MIA2: variants seen among roughly 807,000 people sequenced by gnomAD.
MIA2 encodes the protein melanoma inhibitory activity protein 2.
In MIA2, 127 loss-of-function variants were observed where a neutral mutation model predicts 167.8. The observed-to-expected ratio is 0.76, with a 90% CI of 0.66 to 0.88. The LOEUF (loss-of-function observed/expected upper bound fraction) is 0.88. MIA2 is among the 40% of genes least tolerant of loss of function. The pLI, the probability that MIA2 is intolerant of heterozygous loss-of-function variation, is 0.00. For missense variants in MIA2, 1,690 were observed against 1,624.7 expected (o/e 1.04, Z -0.69); for synonymous variants, 552 against 541.9 (o/e 1.02, Z -0.26).
At chr14:39,298,542 T>TTTTTTTG (rs2061855975) in intron 13 of MIA2, among the ~76,000 whole-genome samples, 6 of 97,026 alleles carry the variant, frequency 6.2e-5, no homozygotes, top group African/African-American at 1.1e-4. Flanking sequence ...TTTTTTTTTT[T>TTTTTTTG]TTTTTTTTTT....
At chr14:39,352,185 A>G (rs1416336941), downstream of MIA2, among the ~76,000 whole-genome samples, 2 of 147,288 alleles carry the variant, frequency 1.4e-5, no homozygotes, top group East Asian at 4.1e-4. Context: ...AATTCTCTTC[A>G]ATATTGTTTT....
chr14:39,297,695 GTGTT>G (rs1363011769), intron 13 of MIA2, among the ~76,000 whole-genome samples: 5 of 151,698 alleles, frequency 3.3e-5, no homozygotes, highest in Non-Finnish European at 5.9e-5. Context: ...GTGTGTGTGT[GTGTT>G]TGTGTGTGTG....
chr14:39,253,846 T>A (rs1483269247), intron 6 of MIA2, among the ~76,000 whole-genome samples: 1 of 152,200 alleles, frequency 6.6e-6, no homozygotes, highest in East Asian at 1.9e-4. Flanking sequence ...GCAAAAGGAC[T>A]AGCTGTAGTA....
At chr14:39,292,046 G>C (rs1456605649) in intron 10 of MIA2, among the ~76,000 whole-genome samples, 1 of 152,182 alleles carries the variant, frequency 6.6e-6, no homozygotes, top group Admixed American at 6.5e-5. Context: ...TTTTCTAGTA[G>C]AGTCCAAAGG....
chr14:39,287,995 T>C (rs1243844566), intron 9 of MIA2, among the ~76,000 whole-genome samples: 1 of 152,114 alleles, frequency 6.6e-6, no homozygotes, highest in African/African-American at 2.4e-5. Context: ...TACAGGTGTG[T>C]GCCACCAAGC....
At chr14:39,317,363 T>C (rs2065667496) in intron 21 of MIA2, among the ~76,000 whole-genome samples, 1 of 152,176 alleles carries the variant, frequency 6.6e-6, no homozygotes, top group Non-Finnish European at 1.5e-5. Context: ...GAGGCTCATA[T>C]TAGTTTCTGA....
chr14:39,369,880 C>T (rs1249214735), intron 23 of MIA2, among the ~76,000 whole-genome samples: 1 of 152,140 alleles, frequency 6.6e-6, no homozygotes, highest in East Asian at 1.9e-4. Flanking sequence ...TAAAAAACAA[C>T]ACCCCGTTTA....
rs535638942 is a variant in MIA2 at position 39,305,667 on chromosome 14, G to A, written c.2878+1286G>A. Among the ~76,000 whole-genome samples, 7 of 152,278 alleles carry A rather than the reference G, an allele frequency of 4.6e-5. No homozygotes were observed. The South Asian group carries it at 1.2e-3, about 27-fold the overall frequency. ...GTACAAAAATATGGCCAGGCGCGGCGGCTCACGCCTATAATCCCAGCACTT... is the reference window on the plus strand; with the variant it reads ...GTACAAAAATATGGCCAGGCGCGGCAGCTCACGCCTATAATCCCAGCACTT... On this transcript the variant is annotated intron_variant, in intron 17 of 28. Transcript: ENST00000640607.
intron 6 of MIA2, chr14:39,266,408 G>A (rs1400719235): frequency 2.0e-6 from 2 of 985,384 alleles, no homozygotes; most frequent in African/African-American, 1.7e-5. Context: ...CCTCTTCTCG[G>A]AGGAAAACAG....
intron 23 of MIA2, among the ~76,000 whole-genome samples, chr14:39,362,731 G>C (rs888590074): frequency 1.3e-5 from 2 of 151,902 alleles, no homozygotes; most frequent in Non-Finnish European, 2.9e-5. Flanking sequence ...TTTGGGTTTG[G>C]TTTGTTCTTG....
intron 23 of MIA2, among the ~76,000 whole-genome samples, chr14:39,375,682 G>C (rs1309542798): frequency 6.6e-6 from 1 of 152,156 alleles, no homozygotes; most frequent in African/African-American, 2.4e-5. Flanking sequence ...GTGTGACAGA[G>C]CAAGAGTCTG....
At chr14:39,321,318 AATTTTT>A (rs1304304127) in intron 24 of MIA2, among the ~76,000 whole-genome samples, 2 of 151,720 alleles carry the variant, frequency 1.3e-5, no homozygotes, top group African/African-American at 4.8e-5. Context: ...TTTTAATTTT[AATTTTT>A]ATTTTTTGAG....
At chr14:39,320,640 C>T (rs561315638) in intron 23 of MIA2, among the ~76,000 whole-genome samples, 1 of 152,248 alleles carries the variant, frequency 6.6e-6, no homozygotes, top group East Asian at 1.9e-4. Flanking sequence ...GATATATCTC[C>T]AATATCCTTT....
At chr14:39,288,584 C>G (rs2060280915) in intron 9 of MIA2, among the ~76,000 whole-genome samples, 1 of 149,760 alleles carries the variant, frequency 6.7e-6, no homozygotes, top group African/African-American at 2.5e-5. Flanking sequence ...AAGCGATTCT[C>G]CTGCCTCAGC....
chr14:39,277,082 A>T lies in MIA2; in HGVS notation c.2019+17A>T, dbSNP rs1334309921. The T allele has an allele frequency of 6.3e-7, 1 of 1,599,474 alleles. No homozygotes were observed. Among genetic ancestry groups the T allele is most frequent in the Admixed American group, 1.8e-5 (1 of 56,366 alleles). The stretch of plus-strand genomic sequence containing the variant: ...TTTAGATCGGTAAGTAACCAGTGCT[A>T]TACTAAGAGAATGTTCATTTTGTCA... On this transcript the variant is annotated intron_variant, in intron 7 of 28. Transcript: ENST00000640607.
At chr14:39,281,366 G>A (rs948945414) in intron 9 of MIA2, among the ~76,000 whole-genome samples, 1 of 151,756 alleles carries the variant, frequency 6.6e-6, no homozygotes, top group South Asian at 2.1e-4. Context: ...TCTTTTCCAG[G>A]GTTTCCATCT....
chr14:39,294,986 A>T lies in MIA2; in HGVS notation c.2453A>T (p.Asp818Val). ...NEERLKIAIK[D>V]ALNENSQLQE... ...GAACGACTGAAGATAGCAATAAAAG[A>T]TGCTTTGAATGAAAATTCTCAACTT... Residue 818 changes from aspartate (D) to valine (V), a missense_variant, in exon 13 of 29, where the codon GAT (aspartate) becomes GTT (valine). By Grantham distance (152) the Asp-to-Val change is radical. Coordinates refer to ENST00000640607, the MANE Select transcript of MIA2 (RefSeq NM_001329214.4). 1 of 1,613,972 alleles carries T rather than the reference A, an allele frequency of 6.2e-7. No homozygotes were observed. The highest frequency in any genetic ancestry group is 8.5e-7 in the Non-Finnish European group (1 of 1,179,858).
intron 23 of MIA2, among the ~76,000 whole-genome samples, chr14:39,357,052 T>C (rs530794268): frequency 1.1e-4 from 17 of 152,364 alleles, no homozygotes; most frequent in Non-Finnish European, 2.4e-4. Flanking sequence ...GAGAGTTCTG[T>C]AGATATCTAT....
At chr14:39,364,854 AT>A (rs35633574) in intron 23 of MIA2, among the ~76,000 whole-genome samples, 1 of 150,476 alleles carries the variant, frequency 6.6e-6, no homozygotes, top group Admixed American at 6.6e-5. Flanking sequence ...ATGTAACTAG[AT>A]TTTTTTTTCT....
Sources: gnomAD v4.1 joint callset for allele counts (sites outside exome capture counted in the v4.1 genomes callset) on GRCh38, gnomAD v4.1.1 for gene constraint, MANE v1.5 for transcripts, NCBI Gene and HGNC (gene_info 2026-07-23, HGNC 2026-07-21) for gene names.